The following APBB2 variants were observed in gnomAD, a reference collection of about 807,000 sequenced individuals.
The protein encoded by APBB2 is amyloid beta precursor protein binding family B member 2.
APBB2 carries 38 observed loss-of-function variants against 82.5 expected under a neutral mutation model. The ratio of observed to expected loss-of-function variants is 0.46; its 90% CI spans 0.36 to 0.60. APBB2 has a LOEUF of 0.60. Ranked by LOEUF, APBB2 falls within the 20% of genes least tolerant of loss-of-function variation. The probability of loss-of-function intolerance (pLI) is 0.00; values close to 1 mark genes in which losing one functional copy is unlikely to be tolerated. For missense variants in APBB2, 772 were observed against 972.3 expected, an observed-to-expected ratio of 0.79 and a Z score of 2.74; for synonymous variants, 341 against 368.2, an observed-to-expected ratio of 0.93 and a Z score of 0.85.
chr4:41,144,723 C>T (rs1294855245), intron 1 of APBB2, among the ~76,000 whole-genome samples: 1 of 152,216 alleles, frequency 6.6e-6, no homozygotes, highest in Non-Finnish European at 1.5e-5. Flanking sequence ...TTCTTTTTTA[C>T]TCTGCAAACT....
At chr4:40,900,438 G>A (rs1410619484) in intron 10 of APBB2, among the ~76,000 whole-genome samples, 1 of 149,080 alleles carries the variant, frequency 6.7e-6, no homozygotes, top group East Asian at 2.0e-4. Flanking sequence ...CATGGGTTGG[G>A]AGCTCACGGA....
chr4:40,902,486 A>AC (rs1775588491), intron 10 of APBB2, among the ~76,000 whole-genome samples: 7 of 152,196 alleles, frequency 4.6e-5, no homozygotes, highest in Admixed American at 4.6e-4. Flanking sequence ...GACAGGCAGG[A>AC]CTGAATGACT....
chr4:40,884,516 C>A (rs1769629028), intron 12 of APBB2, among the ~76,000 whole-genome samples: 1 of 152,166 alleles, frequency 6.6e-6, no homozygotes, highest in Non-Finnish European at 1.5e-5. Context: ...GGGGCTCGCA[C>A]CTGCTATCCC....
intron 1 of APBB2, among the ~76,000 whole-genome samples, chr4:41,204,251 A>G (rs560927494): frequency 3.9e-5 from 6 of 152,368 alleles, no homozygotes; most frequent in African/African-American, 1.4e-4. Flanking sequence ...TGAGGGCAGC[A>G]AGGAGCCCCT....
At chr4:41,120,079 A>G (rs1471818002) in intron 2 of APBB2, among the ~76,000 whole-genome samples, 1 of 152,206 alleles carries the variant, frequency 6.6e-6, no homozygotes, top group Non-Finnish European at 1.5e-5. Flanking sequence ...TGAAGTCAAG[A>G]CACAGAACTC....
rs922341206 is a variant in APBB2 at position 40,890,186 on chromosome 4, A to G, written c.1529+178T>C. The stretch of plus-strand genomic sequence containing the variant: ...TTTGAGATACAGAAACCAGGAAGGG[A>G]AGCAGTTTGAAGTCTTTAAGAGGCA... On this transcript the variant is annotated intron_variant, in intron 12 of 17. Transcript: ENST00000508593. 5.3e-5 allele frequency: 39 copies of G among 734,708 alleles called. No homozygotes were observed. In the East Asian group the frequency reaches 1.2e-3, roughly 22 times the overall value. 45.5% of individuals were successfully genotyped at this position (734,708 alleles called of 1,614,324 possible).
intron 4 of APBB2, among the ~76,000 whole-genome samples, chr4:41,054,704 TG>T (rs1393454839): frequency 6.6e-6 from 1 of 152,142 alleles, no homozygotes; most frequent in Non-Finnish European, 1.5e-5. Context: ...AAAGTATAAA[TG>T]GGCAGTCAAT....
intron 12 of APBB2, among the ~76,000 whole-genome samples, chr4:40,871,699 T>C (rs1578114790): frequency 6.6e-6 from 1 of 152,268 alleles, no homozygotes; most frequent in East Asian, 1.9e-4. Context: ...CTAATGGAGA[T>C]AGACCCTCAG....
chr4:40,946,254 A>AAAAAAAAAAAAAAAAAAAAAAC lies in APBB2; in HGVS notation c.836-1182_836-1181insGTTTTTTTTTTTTTTTTTTTTT, dbSNP rs1553875174. 6.2e-4 allele frequency among the ~76,000 whole-genome samples: 71 copies of AAAAAAAAAAAAAAAAAAAAAAC among 114,582 alleles called. 7 individuals are homozygous for AAAAAAAAAAAAAAAAAAAAAAC. Among genetic ancestry groups the AAAAAAAAAAAAAAAAAAAAAAC allele is most frequent in the Non-Finnish European group, 8.1e-4 (44 of 54,044 alleles). The allele number at this position is 114,582 out of a possible 152,430, so 75.2% of individuals were successfully genotyped here. A position where few individuals can be genotyped will look rare whatever the true frequency, so the allele number is the denominator to read the frequency against. ...CTCCAAAAAAAAAAAAAAAAAAAAA[A>AAAAAAAAAAAAAAAAAAAAAAC]CATTCCCAAGGAAAGCAGATTGGAA... On this transcript the variant is annotated intron_variant, in intron 6 of 17. Coordinates refer to ENST00000508593, the MANE Select transcript of APBB2 (RefSeq NM_004307.2).
At chr4:40,828,947 C>T (rs935892459) in intron 13 of APBB2, among the ~76,000 whole-genome samples, 1 of 152,168 alleles carries the variant, frequency 6.6e-6, no homozygotes, top group Non-Finnish European at 1.5e-5. Context: ...CAACTCCTGG[C>T]CTGGGTTGGG....
intron 10 of APBB2, among the ~76,000 whole-genome samples, chr4:40,900,475 A>G (rs1420550588): frequency 2.1e-5 from 3 of 139,888 alleles, no homozygotes; most frequent in Admixed American, 2.1e-4. Flanking sequence ...TTTTTTTTTA[A>G]GATGGAGTCT....
intron 12 of APBB2, among the ~76,000 whole-genome samples, chr4:40,845,384 A>C (rs1757162344): frequency 6.6e-6 from 1 of 152,118 alleles, no homozygotes; most frequent in Non-Finnish European, 1.5e-5. Flanking sequence ...CTCGCTGTAC[A>C]AGATGCCAGT....
At chr4:41,121,919 A>ATG (rs1353625875) in intron 2 of APBB2, among the ~76,000 whole-genome samples, 1 of 150,830 alleles carries the variant, frequency 6.6e-6, no homozygotes, top group Non-Finnish European at 1.5e-5. Context: ...GTATGTGTGT[A>ATG]TGTGTGTGTG....
rs1785052934 is a variant in APBB2 at position 40,934,965 on chromosome 4, A to G, written c.1107+112T>C. 5 of 942,590 alleles carry G rather than the reference A, an allele frequency of 5.3e-6. No homozygotes were observed. In the East Asian group the frequency reaches 1.3e-4, roughly 25 times the overall value. 58.4% of individuals were successfully genotyped at this position (942,590 alleles called of 1,614,324 possible). A position where few individuals can be genotyped will look rare whatever the true frequency, so the allele number is the denominator to read the frequency against. ...CTGAATGCCCCTAGCAAGAAGCCCG[A>G]TCACTGTGTCCCTGCAGAATGCATG... is the stretch of plus-strand genomic sequence containing the variant. On this transcript the variant is annotated intron_variant, in intron 8 of 17. Transcript: ENST00000508593.
chr4:40,848,785 T>C, intron 12 of APBB2: 1 of 898,076 alleles, frequency 1.1e-6, no homozygotes. Context: ...AGCCCGCCCC[T>C]GCCTGGGCTT....
intron 1 of APBB2, among the ~76,000 whole-genome samples, chr4:41,147,775 G>T (rs1054878150): frequency 6.6e-6 from 1 of 151,972 alleles, no homozygotes; most frequent in Non-Finnish European, 1.5e-5. Context: ...CACAGGGAAG[G>T]TCTCTCCTTT....
intron 6 of APBB2, among the ~76,000 whole-genome samples, chr4:40,957,132 G>A (rs997795189): frequency 1.6e-4 from 24 of 152,212 alleles, no homozygotes; most frequent in African/African-American, 5.1e-4. Flanking sequence ...AACAAAGGCG[G>A]CGCAAAGCCG....
At chr4:40,978,946 C>T (rs1797841357) in intron 6 of APBB2, among the ~76,000 whole-genome samples, 1 of 151,534 alleles carries the variant, frequency 6.6e-6, no homozygotes, top group Admixed American at 6.6e-5. Context: ...TAAAAGAAAA[C>T]TATGAGATAC....
chr4:40,893,320 C>T lies in APBB2; in HGVS notation c.1346G>A (p.Arg449Lys), dbSNP rs1772617506. Residue 449 changes from arginine (R) to lysine (K), a missense_variant, in exon 11 of 18, where the codon AGG (arginine) becomes AAG (lysine). Arg to Lys is a conservative substitution (Grantham distance 26). Transcript: ENST00000508593. ...KSSVAVNNCI[R>K]QLSYCKNDIR... ...GTCATTTTTGCAGTAGGAAAGTTGC[C>T]TGATGCAGTTGTTGACCGCAACACT... The T allele has an allele frequency of 6.2e-7, 1 of 1,613,690 alleles. No individual in the cohort carries two copies. The highest frequency in any genetic ancestry group is 8.5e-7 in the Non-Finnish European group (1 of 1,179,912).
Sources: allele counts gnomAD v4.1 joint callset (sites outside exome capture counted in the v4.1 genomes callset), GRCh38; gene constraint gnomAD v4.1.1; transcripts MANE v1.5; gene names NCBI Gene and HGNC (gene_info 2026-07-23, HGNC 2026-07-21).